BRCA1: variants seen among roughly 807,000 people sequenced by gnomAD.
BRCA1 encodes BRCA1 DNA repair associated.
BRCA1 carries 140 observed loss-of-function variants against 173.7 expected under a neutral mutation model. The observed-to-expected ratio is 0.81, with a 90% confidence interval of 0.70 to 0.93. The LOEUF (loss-of-function observed/expected upper bound fraction) is 0.93, where lower values mean the gene tolerates loss of function less well. Among genes scored for constraint, BRCA1 ranks in the 40% least tolerant of loss-of-function variants. The probability of loss-of-function intolerance (pLI) is 0.00; values close to 1 mark genes in which losing one functional copy is unlikely to be tolerated. For missense variants in BRCA1, 1,983 were observed against 2,172.5 expected, an observed-to-expected ratio of 0.91 and a Z score of 1.73; for synonymous variants, 662 against 756.0, an observed-to-expected ratio of 0.88 and a Z score of 2.04.
At chr17:43,052,583 TATC>T (rs1156368149) in intron 19 of BRCA1, among the ~76,000 whole-genome samples, 5 of 152,168 alleles carry the variant, frequency 3.3e-5, no homozygotes, top group Non-Finnish European at 7.4e-5. Context: ...CCTAAAATTG[TATC>T]ATTTTGGATG....
At chr17:43,144,464 C>T (rs751290720) in intron 1 of BRCA1, among the ~76,000 whole-genome samples, 39 of 151,916 alleles carry the variant, frequency 2.6e-4, no homozygotes, top group African/African-American at 9.0e-4. Context: ...CCAAGAACAA[C>T]GATATTTAAT....
chr17:43,079,644 AG>A, intron 12 of BRCA1: 1 of 863,690 alleles, frequency 1.2e-6, no homozygotes, highest in Non-Finnish European at 2.0e-6. Flanking sequence ...GATCAGAAAA[AG>A]AAAGAAGCCA....
chr17:43,086,105 T>TACACAC (rs1385920078), intron 11 of BRCA1, among the ~76,000 whole-genome samples: 26 of 94,162 alleles, frequency 2.8e-4, no homozygotes, highest in East Asian at 8.5e-4. Context: ...TTTTATCACA[T>TACACAC]ACATACACAC....
upstream of BRCA1, among the ~76,000 whole-genome samples, chr17:43,127,061 C>T (rs2055902066): frequency 6.6e-6 from 1 of 152,218 alleles, no homozygotes; most frequent in Admixed American, 6.5e-5. Context: ...CTGCACAGGG[C>T]AAGGCTCAGG....
chr17:43,151,115 G>A (rs2056158792), intron 1 of BRCA1, among the ~76,000 whole-genome samples: 1 of 152,128 alleles, frequency 6.6e-6, no homozygotes, highest in Non-Finnish European at 1.5e-5. Context: ...GTGAAATTCG[G>A]GTATAAGGCT....
At chr17:43,136,830 G>T (rs2056028556) in intron 1 of BRCA1, among the ~76,000 whole-genome samples, 1 of 152,206 alleles carries the variant, frequency 6.6e-6, no homozygotes, top group Non-Finnish European at 1.5e-5. Flanking sequence ...TACGCCATTG[G>T]TGGGACTGTA....
intron 1 of BRCA1, among the ~76,000 whole-genome samples, chr17:43,146,042 C>G (rs2056119350): frequency 6.6e-6 from 1 of 152,026 alleles, no homozygotes; most frequent in Non-Finnish European, 1.5e-5. Context: ...GTTGTGGGCA[C>G]TCTGTAACAT....
Position 43,093,150 on chromosome 17 carries a change from G to A in BRCA1, c.2381C>T (p.Ala794Val), listed in dbSNP as rs7502059. 3 of 1,613,468 alleles carry A rather than the reference G, an allele frequency of 1.9e-6. No homozygotes were observed. The highest frequency in any genetic ancestry group is 2.2e-5 in the East Asian group (1 of 44,872). ...SLLEVSTLGK[A>V]KTEPNKCVSQ... ...CACACATTTATTTGGTTCTGTTTTT[G>A]CCTTCCCTAGAGTGCTAACTTCCAG... Residue 794 changes from alanine to valine, a missense_variant, in exon 10 of 23, where the codon GCA (alanine) becomes GTA (valine). Transcript: ENST00000357654.
At chr17:43,063,442 G>C in intron 17 of BRCA1, 69 bp from the exon 18 acceptor site, 1 of 1,310,124 alleles carries the variant, frequency 7.6e-7, no homozygotes, top group Middle Eastern at 1.8e-4. Flanking sequence ...GAGATAGAGA[G>C]GTCAGCGATT....
At chr17:43,129,977 G>C (rs2055952168), upstream of BRCA1, among the ~76,000 whole-genome samples, 1 of 152,122 alleles carries the variant, frequency 6.6e-6, no homozygotes, top group African/African-American at 2.4e-5. Flanking sequence ...TGGTGAACTT[G>C]GTTCTAGGTA....
In BRCA1 at chr17:43,044,426, T is replaced by C. The variant is rs1156257943; in HGVS notation, c.*1252A>G. 2 of 507,884 alleles carry C rather than the reference T, an allele frequency of 3.9e-6. No homozygotes were observed. The highest frequency in any genetic ancestry group is 8.8e-5 in the East Asian group (2 of 22,822). The allele number at this position is 507,884 out of a possible 1,614,324, so 31.5% of individuals were successfully genotyped here. On this transcript the variant is annotated 3_prime_UTR_variant, in exon 23 of 23. Coordinates refer to ENST00000357654, the MANE Select transcript of BRCA1 (RefSeq NM_007294.4). Reference sequence around the variant, plus strand: ...GGGAAGACCTAGTCCTTCCAACAGCTATAAACAGTCCTGGATAATGGGTTT... The same window carrying C: ...GGGAAGACCTAGTCCTTCCAACAGCCATAAACAGTCCTGGATAATGGGTTT...
chr17:43,141,130 C>T (rs1452341275), intron 1 of BRCA1, among the ~76,000 whole-genome samples: 1 of 152,150 alleles, frequency 6.6e-6, no homozygotes, highest in Non-Finnish European at 1.5e-5. Flanking sequence ...CCTGGGCACC[C>T]CTCCCCCTCC....
Position 43,082,464 on chromosome 17 carries a change from T to A in BRCA1, c.4297A>T (p.Ile1433Leu). ...TCCTCAAGGGCAGAAGAGTCACTTA[T>A]GATGGAAGGGTAGCTGTTAGAAGGC... is the stretch of plus-strand genomic sequence containing the variant. ...SQPSNSYPSI[I>L]SDSSALEDLR... Residue 1433 changes from isoleucine (I) to leucine (L), a missense_variant, in exon 12 of 23, where the codon ATA becomes TTA. Ile to Leu is a conservative substitution (Grantham distance 5). Coordinates refer to ENST00000357654, the MANE Select transcript of BRCA1 (RefSeq NM_007294.4). 6.2e-7 allele frequency: 1 copy of A among 1,614,180 alleles called. No individual in the cohort carries two copies. The highest frequency in any genetic ancestry group is 8.5e-7 in the Non-Finnish European group (1 of 1,180,026).
chr17:43,045,141 A>C lies in BRCA1; in HGVS notation c.*537T>G, dbSNP rs1296767708. 1 of 534,694 alleles carries C rather than the reference A, an allele frequency of 1.9e-6. No individual in the cohort carries two copies. The highest frequency in any genetic ancestry group is 2.2e-5 in the Admixed American group (1 of 45,030). 33.1% of individuals were successfully genotyped at this position (534,694 alleles called of 1,614,324 possible). On this transcript the variant is annotated 3_prime_UTR_variant, in exon 23 of 23. Transcript: ENST00000357654. ...TTTCATTTCTAATACCTGCCTCAGA[A>C]TTTCCTCCCCAATGTTCCACTCCAA... is the stretch of plus-strand genomic sequence containing the variant.
chr17:43,045,857 G>A (rs2152625527), intron 22 of BRCA1, 55 bp from the exon 23 acceptor site: 4 of 1,611,886 alleles, frequency 2.5e-6, no homozygotes, highest in Non-Finnish European at 3.4e-6. Context: ...CCTGGACTAG[G>A]CTCTAATCAA....
chr17:43,144,219 T>C, intron 1 of BRCA1: 1 of 334,502 alleles, frequency 3.0e-6, no homozygotes, highest in Non-Finnish European at 6.1e-6. Context: ...CGAGACTCCA[T>C]CTCAATAAAA....
chr17:43,063,644 G>A (rs189898944), intron 17 of BRCA1, among the ~76,000 whole-genome samples: 2 of 152,232 alleles, frequency 1.3e-5, no homozygotes, highest in Admixed American at 1.3e-4. Flanking sequence ...TGCTAACATT[G>A]CTAGGAGCAG....
At chr17:43,063,829 T>G (rs764977822) in intron 17 of BRCA1, 45 bp downstream of exon 17, 1 of 1,519,928 alleles carries the variant, frequency 6.6e-7, no homozygotes, top group South Asian at 1.1e-5. Context: ...AAAATGCAAT[T>G]CTGAGGTGTT....
intron 19 of BRCA1, among the ~76,000 whole-genome samples, chr17:43,055,397 C>T (rs1211796228): frequency 3.3e-5 from 5 of 152,154 alleles, no homozygotes; most frequent in African/African-American, 4.8e-5. Context: ...CTTGTAATCC[C>T]AGCACTTTGG....
Sources: allele counts gnomAD v4.1 joint callset (sites outside exome capture counted in the v4.1 genomes callset), GRCh38; gene constraint gnomAD v4.1.1; transcripts MANE v1.5; gene names NCBI Gene and HGNC (gene_info 2026-07-23, HGNC 2026-07-21).